BRINP3: variants seen among roughly 807,000 people sequenced by gnomAD.
BRINP3 encodes BMP/retinoic acid inducible neural specific 3, also known as BMP/retinoic acid-inducible neural-specific protein 3.
In BRINP3, 19 loss-of-function variants were observed where a neutral mutation model predicts 71.0. The observed-to-expected ratio is 0.27, with a 90% CI of 0.19 to 0.39. BRINP3 has a LOEUF of 0.39. BRINP3 is among the 10% of genes least tolerant of loss of function. The pLI, the probability that BRINP3 is intolerant of heterozygous loss-of-function variation, is 1.00. For synonymous variants in BRINP3, 380 were observed against 337.7 expected (o/e 1.13, Z -1.37); for missense variants, 959 against 940.8 (o/e 1.02, Z -0.25).
chr1:190,448,799 A>G (rs1338400629), intron 2 of BRINP3, among the ~76,000 whole-genome samples: 1 of 151,824 alleles, frequency 6.6e-6, no homozygotes, highest in Non-Finnish European at 1.5e-5. Flanking sequence ...ACCTTGTTTC[A>G]AGTTTGATAA....
chr1:190,458,707 A>G (rs1676175704), intron 1 of BRINP3, among the ~76,000 whole-genome samples: 1 of 151,992 alleles, frequency 6.6e-6, no homozygotes, highest in Non-Finnish European at 1.5e-5. Context: ...TGAGGTGAAC[A>G]GCTAAACTTA....
intron 7 of BRINP3, among the ~76,000 whole-genome samples, chr1:190,117,128 T>G (rs1037424321): frequency 2.2e-4 from 34 of 152,188 alleles, no homozygotes; most frequent in African/African-American, 7.7e-4. Flanking sequence ...TGTTTCTTGT[T>G]AGAGAGAATG....
intron 7 of BRINP3, among the ~76,000 whole-genome samples, chr1:190,137,186 A>G (rs189776440): frequency 9.5e-4 from 145 of 152,164 alleles, no homozygotes; most frequent in African/African-American, 3.3e-3. Context: ...AGGTTTGGGG[A>G]AAAAAGGCAG....
At chr1:190,383,665 G>A (rs891461703) in intron 2 of BRINP3, among the ~76,000 whole-genome samples, 1 of 151,796 alleles carries the variant, frequency 6.6e-6, no homozygotes, top group Non-Finnish European at 1.5e-5. Context: ...CATTTTACCT[G>A]GTAAAGTTAC....
chr1:190,124,264 T>G (rs1412475458), intron 7 of BRINP3, among the ~76,000 whole-genome samples: 2 of 152,160 alleles, frequency 1.3e-5, no homozygotes, highest in East Asian at 3.9e-4. Context: ...TCTCTCACCC[T>G]CTTCTGTTCT....
chr1:190,376,314 T>C (rs906825716), intron 2 of BRINP3, among the ~76,000 whole-genome samples: 1 of 152,000 alleles, frequency 6.6e-6, no homozygotes, highest in Non-Finnish European at 1.5e-5. Context: ...TTCAATGCAG[T>C]CAAAGGAATG....
chr1:190,294,164 A>G (rs1664074805), intron 2 of BRINP3, among the ~76,000 whole-genome samples: 1 of 151,744 alleles, frequency 6.6e-6, no homozygotes, highest in Non-Finnish European at 1.5e-5. Flanking sequence ...TTAATTCCTT[A>G]AGTTTTACTT....
At chr1:190,434,160 C>A (rs1674295679) in intron 2 of BRINP3, among the ~76,000 whole-genome samples, 1 of 151,636 alleles carries the variant, frequency 6.6e-6, no homozygotes, top group Admixed American at 6.6e-5. Context: ...GTTCCCTCAC[C>A]CAGGCTGAAG....
rs561488192 is a variant in BRINP3 at position 190,350,767 on chromosome 1, T to C, written c.237-69017A>G. Among the ~76,000 whole-genome samples, 29 of 151,792 alleles carry C rather than the reference T, an allele frequency of 1.9e-4. No homozygotes were observed. The East Asian group carries it at 5.5e-3, about 29-fold the overall frequency. ...TGGCCACCTGCCAGCATTCATTATG[T>C]TCCCCACTATAGTTTAAATGGGCTT... On this transcript the variant is annotated intron_variant, in intron 2 of 7. Transcript: ENST00000367462.
rs1369646899 is a variant in BRINP3, at chr1:190,099,039, G to A, written c.1280C>T (p.Thr427Met). 4.3e-6 allele frequency: 7 copies of A among 1,614,166 alleles called. No individual in the cohort carries two copies. The highest frequency in any genetic ancestry group is 1.1e-5 in the South Asian group (1 of 91,080). The change falls in exon 8 of 8, where the codon ACG becomes ATG. Residue 427 changes from threonine to methionine, a missense_variant. Thr to Met is a moderately conservative substitution (Grantham distance 81). Transcript: ENST00000367462. The stretch of plus-strand genomic sequence containing the variant: ...GCAGACCACCTGGTCATTCGGACAC[G>A]TGCACGAGTGCGTCTCTTCTGAAAA... Reference protein sequence around the residue: ...GSFSEETHSCTCPNDQVVCTA... With the variant: ...GSFSEETHSCMCPNDQVVCTA...
intron 3 of BRINP3, among the ~76,000 whole-genome samples, chr1:190,274,944 G>C (rs1157155661): frequency 6.6e-6 from 1 of 151,686 alleles, no homozygotes; most frequent in Non-Finnish European, 1.5e-5. Flanking sequence ...GCATCTGCAA[G>C]ATATTATGGG....
intron 5 of BRINP3, among the ~76,000 whole-genome samples, chr1:190,229,936 A>G (rs1369598806): frequency 2.0e-5 from 3 of 152,028 alleles, no homozygotes; most frequent in African/African-American, 7.2e-5. Context: ...ACATGATCAA[A>G]AATTTAATAA....
intron 3 of BRINP3, among the ~76,000 whole-genome samples, chr1:190,277,375 T>C (rs1662675476): frequency 6.6e-6 from 1 of 151,202 alleles, no homozygotes; most frequent in Non-Finnish European, 1.5e-5. Flanking sequence ...ACAAGAGTAC[T>C]AGCGGAGGAA....
chr1:190,289,650 G>A (rs974971055), intron 2 of BRINP3, among the ~76,000 whole-genome samples: 1 of 151,860 alleles, frequency 6.6e-6, no homozygotes, highest in South Asian at 2.1e-4. Context: ...GTCTTGTATG[G>A]ATTACAAATT....
Position 190,375,173 on chromosome 1 carries a change from G to A in BRINP3, c.236+79482C>T, listed in dbSNP as rs558562235. ...AGGTAGTAATTTAGGAAATAAAGGA[G>A]TTGGGTCAATAACTCATCTCACACT... On this transcript the variant is annotated intron_variant, in intron 2 of 7. Coordinates refer to ENST00000367462, the MANE Select transcript of BRINP3 (RefSeq NM_199051.3). Among the ~76,000 whole-genome samples, 4 of 152,070 alleles carry A rather than the reference G, an allele frequency of 2.6e-5. No homozygotes were observed. In the East Asian group the frequency reaches 7.7e-4, roughly 29 times the overall value.
chr1:190,450,279 T>C (rs550683805), intron 2 of BRINP3, among the ~76,000 whole-genome samples: 1 of 152,306 alleles, frequency 6.6e-6, no homozygotes, highest in African/African-American at 2.4e-5. Flanking sequence ...AAGTGCCACC[T>C]TTGTTGAGGC....
At position 190,222,572 on chromosome 1, in the gene BRINP3, C is replaced by T. The variant is rs547663245; in HGVS notation, c.961+3510G>A. On this transcript the variant is annotated intron_variant, in intron 6 of 7. Coordinates refer to ENST00000367462, the MANE Select transcript of BRINP3 (RefSeq NM_199051.3). ...ACAGCAGATATGAATAAAGTTGAGA[C>T]AAAAAAATACATAAGATCAACAAAA... Among the ~76,000 whole-genome samples the T allele has an allele frequency of 8.0e-5, 12 of 150,612 alleles. No homozygotes were observed. The South Asian group carries it at 2.1e-3, about 26-fold the overall frequency.
intron 7 of BRINP3, among the ~76,000 whole-genome samples, chr1:190,111,462 T>G (rs760826897): frequency 2.6e-5 from 4 of 152,128 alleles, no homozygotes; most frequent in Admixed American, 1.3e-4. Context: ...TTGGTGCCTA[T>G]CCAATATTCA....
chr1:190,119,040 C>T (rs1653393387), intron 7 of BRINP3, among the ~76,000 whole-genome samples: 1 of 152,022 alleles, frequency 6.6e-6, no homozygotes, highest in Admixed American at 6.6e-5. Flanking sequence ...CTTTTAAAGT[C>T]TGTCTAGATA....
Sources: allele counts gnomAD v4.1 joint callset (sites outside exome capture counted in the v4.1 genomes callset), GRCh38; gene constraint gnomAD v4.1.1; transcripts MANE v1.5; gene names NCBI Gene and HGNC (gene_info 2026-07-23, HGNC 2026-07-21).